Variants in GGT7 observed in about 807,000 individuals in gnomAD.
GGT7 encodes glutathione hydrolase 7.
Under a neutral mutation model 69.2 loss-of-function variants are expected in GGT7, and 30 were observed. That is an observed-to-expected ratio of 0.43 (90% CI 0.32 to 0.59). GGT7 has a LOEUF of 0.59. Ranked by LOEUF, GGT7 falls within the 20% of genes least tolerant of loss-of-function variation. The pLI, the probability that GGT7 is intolerant of heterozygous loss-of-function variation, is 0.05. For synonymous variants in GGT7, 388 were observed against 391.8 expected (o/e 0.99, Z 0.12); for missense variants, 733 against 901.1 (o/e 0.81, Z 2.39).
At chr20:34,850,704 TCA>T (rs2079374639) in intron 13 of GGT7, 1 of 385,150 alleles carries the variant, frequency 2.6e-6, no homozygotes, top group African/African-American at 2.1e-5. Context: ...TGCTCCAGCA[TCA>T]CACAGTTACA....
Position 34,855,056 on chromosome 20 carries a change from A to G in GGT7, c.1103-133T>C, listed in dbSNP as rs116801983. On this transcript the variant is annotated intron_variant, in intron 8 of 14. Coordinates refer to ENST00000336431, the MANE Select transcript of GGT7 (RefSeq NM_178026.3). ...CTCCCTCACCAGATGGGGAAACTGA[A>G]ACATTGAGAGGCAAAGAGACTCATT... 4.6e-4 allele frequency: 369 copies of G among 808,482 alleles called. 3 individuals are homozygous for G. The African/African-American group carries it at 6.0e-3, about 13-fold the overall frequency. The allele number at this position is 808,482 out of a possible 1,614,324, so 50.1% of individuals were successfully genotyped here.
chr20:34,872,651 G>T lies in GGT7; in HGVS notation c.165C>A (p.Asp55Glu), dbSNP rs1478552298. Residue 55 changes from aspartate to glutamate, a missense_variant, in exon 1 of 15, where the codon GAC becomes GAA. By Grantham distance (45) the Asp-to-Glu change is conservative. Coordinates refer to ENST00000336431, the MANE Select transcript of GGT7 (RefSeq NM_178026.3). ...KDEDAFLGDP[D>E]TDPDSFLKSA... ...GACGGGGTCAGCGGGCCTCACCGGTGTCGGGGTCTCCCAGAAAGGCGTCCT... is the reference window on the plus strand; with the variant it reads ...GACGGGGTCAGCGGGCCTCACCGGTTTCGGGGTCTCCCAGAAAGGCGTCCT... 1.4e-6 allele frequency: 2 copies of T among 1,473,498 alleles called. No homozygotes were observed. The highest frequency in any genetic ancestry group is 1.4e-5 in the South Asian group (1 of 71,830). 91.3% of individuals were successfully genotyped at this position (1,473,498 alleles called of 1,614,324 possible).
intron 1 of GGT7, among the ~76,000 whole-genome samples, chr20:34,864,237 T>C (rs77221305): frequency 0.06 from 9,054 of 151,956 alleles, 312 homozygotes; most frequent in East Asian, 0.079. Flanking sequence ...AGCTGAAAAC[T>C]AAGGGATGAG....
chr20:34,871,120 T>A (rs553350867), intron 1 of GGT7, among the ~76,000 whole-genome samples: 13 of 152,152 alleles, frequency 8.5e-5, no homozygotes, highest in Non-Finnish European at 1.9e-4. Flanking sequence ...ACAATCATGA[T>A]CCCTGCCCTC....
intron 1 of GGT7, among the ~76,000 whole-genome samples, chr20:34,869,227 G>A (rs959997531): frequency 2.6e-5 from 4 of 152,000 alleles, no homozygotes; most frequent in Admixed American, 1.3e-4. Context: ...GAGTACAGTG[G>A]TATAATCTCA....
At position 34,851,329 on chromosome 20, in the gene GGT7, GGAAA is replaced by G; in HGVS notation, c.1623_1626del (p.Phe542CysfsTer31). On this transcript the variant is annotated frameshift_variant, in exon 13 of 15. Coordinates refer to ENST00000336431, the MANE Select transcript of GGT7 (RefSeq NM_178026.3). LOFTEE classifies it high-confidence loss of function. ...GCGGGTCGGACCACTGTGGGCAGCA[GGAAA>G]GAGAGTGGCCGCTTCCCTGGCTGCA... 1 of 1,613,964 alleles carries G rather than the reference GGAAA, an allele frequency of 6.2e-7. No homozygotes were observed. The highest frequency in any genetic ancestry group is 8.5e-7 in the Non-Finnish European group (1 of 1,179,996).
At chr20:34,859,421 C>G in intron 7 of GGT7, 22 bp downstream of exon 7, 15 of 1,549,056 alleles carry the variant, frequency 9.7e-6, no homozygotes, top group Non-Finnish European at 1.3e-5. Flanking sequence ...CATGCCCCCA[C>G]CCGCACAACA....
rs758610874 is a variant in GGT7 at position 34,856,835 on chromosome 20, A to G, written c.1073T>C (p.Val358Ala). The part of the protein sequence containing the change: ...EEDFSNYSAL[V>A]EKPVCGVYRG... ...GTACACGCCACACACAGGCTTCTCC[A>G]CAAGGGCGCTGTAATTGCTGAAGTC... The change falls in exon 8 of 15, where the codon GTG (valine) becomes GCG (alanine). Residue 358 changes from valine (V) to alanine (A), a missense_variant. Coordinates refer to ENST00000336431, the MANE Select transcript of GGT7 (RefSeq NM_178026.3). 117 of 1,611,358 alleles carry G rather than the reference A, an allele frequency of 7.3e-5. 2 individuals carry two copies. In the South Asian group the frequency reaches 1.2e-3, roughly 17 times the overall value.
In GGT7 at chr20:34,857,474, G is replaced by A. The variant is rs150880307; in HGVS notation, c.1015-581C>T. ...CATTATTGACCAATGAACCAATCTT[G>A]TACAAACCAATGGGCTCATTCCATC... On this transcript the variant is annotated intron_variant, in intron 7 of 14. Coordinates refer to ENST00000336431, the MANE Select transcript of GGT7 (RefSeq NM_178026.3). 3.8e-3 allele frequency among the ~76,000 whole-genome samples: 573 copies of A among 152,172 alleles called. 2 individuals carry two copies. The highest frequency in any genetic ancestry group is 0.01 in the Middle Eastern group (3 of 294).
At chr20:34,849,360 G>A (rs1476498414) in intron 14 of GGT7, among the ~76,000 whole-genome samples, 4 of 150,166 alleles carry the variant, frequency 2.7e-5, no homozygotes, top group Non-Finnish European at 5.9e-5. Flanking sequence ...ACGGGGGGGT[G>A]GAGGGGGGTC....
Position 34,859,654 on chromosome 20 carries a change from G to A in GGT7, c.818-15C>T, listed in dbSNP as rs776789248. ...CAGGGCACGGGCTAGGGGCAGGGAC[G>A]GGAGGCTGGGCAGGGCGGGACGCCA... is the stretch of plus-strand genomic sequence containing the variant. On this transcript the variant is annotated splice_polypyrimidine_tract_variant and intron_variant, in intron 6 of 14. Coordinates refer to ENST00000336431, the MANE Select transcript of GGT7 (RefSeq NM_178026.3). 3.9e-5 allele frequency: 62 copies of A among 1,571,720 alleles called. No homozygotes were observed. The highest frequency in any genetic ancestry group is 4.6e-5 in the East Asian group (2 of 43,852).
intron 14 of GGT7, among the ~76,000 whole-genome samples, chr20:34,847,131 T>C (rs988548270): frequency 6.6e-6 from 1 of 152,214 alleles, no homozygotes; most frequent in South Asian, 2.1e-4. Flanking sequence ...TATAAGCTTT[T>C]TGAAGTTAGG....
Position 34,860,321 on chromosome 20 carries a change from G to T in GGT7, c.676C>A (p.Pro226Thr). The change falls in exon 5 of 15, where the codon CCT (proline) becomes ACT (threonine). Residue 226 changes from proline to threonine, a missense_variant and splice_region_variant. Pro to Thr is a conservative substitution (Grantham distance 38). Transcript: ENST00000336431. Reference sequence around the variant, plus strand: ...CCGGGAACCCCCACCAAGAGCCCAGGCTGGGCAAGGCGGGTAGGCGAGGGA... The same window carrying T: ...CCGGGAACCCCCACCAAGAGCCCAGTCTGGGCAAGGCGGGTAGGCGAGGGA... The part of the protein sequence containing the change: ...ETLQRSWETK[P>T]GLLVGVPGMV... The T allele has an allele frequency of 6.2e-7, 1 of 1,613,266 alleles. No individual in the cohort carries two copies. The highest frequency in any genetic ancestry group is 8.5e-7 in the Non-Finnish European group (1 of 1,179,500).
intron 8 of GGT7, among the ~76,000 whole-genome samples, chr20:34,855,693 C>T (rs2079478856): frequency 6.6e-6 from 1 of 152,158 alleles, no homozygotes; most frequent in African/African-American, 2.4e-5. Context: ...AACCAAGGCT[C>T]AGAGTGGGAA....
Position 34,863,785 on chromosome 20 carries a change from C to G in GGT7, c.170-237G>C. The G allele has an allele frequency of 1.4e-6, 1 of 703,344 alleles. No homozygotes were observed. The highest frequency in any genetic ancestry group is 2.7e-6 in the Non-Finnish European group (1 of 376,382). 43.6% of individuals were successfully genotyped at this position (703,344 alleles called of 1,614,324 possible). On this transcript the variant is annotated intron_variant, in intron 1 of 14. Transcript: ENST00000336431. The surrounding 1 kb of genome is among the most constrained non-coding windows in gnomAD (Gnocchi z 4.4). ...GGCAGCAGGGAGGCTGGATTCCCGC[C>G]CCTCCCTGATACCTAGGCCAAATTT...
chr20:34,869,872 C>T (rs1340877910), intron 1 of GGT7, among the ~76,000 whole-genome samples: 1 of 152,140 alleles, frequency 6.6e-6, no homozygotes, highest in Non-Finnish European at 1.5e-5. Flanking sequence ...CATCTGGAGA[C>T]ACAGGCCTGG....
chr20:34,863,163 G>C lies in GGT7; in HGVS notation c.405+150C>G. Reference sequence around the variant, plus strand: ...CCTTGTTCTGTCTCCCTCATGCCCTGGAGCTCCTCTCTTTGGGACCTTCCT... The same window carrying C: ...CCTTGTTCTGTCTCCCTCATGCCCTCGAGCTCCTCTCTTTGGGACCTTCCT... On this transcript the variant is annotated intron_variant, in intron 2 of 14. Transcript: ENST00000336431. This position sits in a 1 kb window ranked among gnomAD's most constrained non-coding sequence, Gnocchi z 4.4. 1.3e-6 allele frequency: 1 copy of C among 768,332 alleles called. No individual in the cohort carries two copies. The highest frequency in any genetic ancestry group is 1.8e-5 in the South Asian group (1 of 55,584). 47.6% of individuals were successfully genotyped at this position (768,332 alleles called of 1,614,324 possible).
chr20:34,856,510 A>G (rs981512135), intron 8 of GGT7, among the ~76,000 whole-genome samples: 2 of 152,214 alleles, frequency 1.3e-5, no homozygotes, highest in Admixed American at 1.3e-4. Flanking sequence ...GGGAAAGGGC[A>G]GAGGCAACAC....
chr20:34,855,467 T>C (rs2079474692), intron 8 of GGT7, among the ~76,000 whole-genome samples: 1 of 152,180 alleles, frequency 6.6e-6, no homozygotes, highest in Non-Finnish European at 1.5e-5. Context: ...TTATCACACA[T>C]ATTTGATAGG....
Sources: gnomAD v4.1 joint callset for allele counts (sites outside exome capture counted in the v4.1 genomes callset) on GRCh38, gnomAD v4.1.1 for gene constraint, Gnocchi (gnomAD v3.1) non-coding constraint, MANE v1.5 for transcripts, NCBI Gene and HGNC (gene_info 2026-07-23, HGNC 2026-07-21) for gene names.